EIF4G3: variants seen among roughly 807,000 people sequenced by gnomAD.
The protein encoded by EIF4G3 is eukaryotic translation initiation factor 4 gamma 3.
EIF4G3 carries 34 observed loss-of-function variants against 186.4 expected under a neutral mutation model. That is an observed-to-expected ratio of 0.18 (90% CI 0.14 to 0.24). The LOEUF is 0.24. Among genes scored for constraint, EIF4G3 ranks in the 10% least tolerant of loss-of-function variants. EIF4G3 has a pLI of 1.00. For synonymous variants in EIF4G3, 673 were observed against 679.5 expected (o/e 0.99, Z 0.15); for missense variants, 1,536 against 1,948.5 (o/e 0.79, Z 3.99).
chr1:21,169,540 C>A (rs1425967253), intron 2 of EIF4G3: 1 of 152,040 alleles, frequency 6.6e-6, no homozygotes, highest in Non-Finnish European at 1.5e-5. Flanking sequence ...CTATATTTTT[C>A]CAAATTTCTC....
intron 24 of EIF4G3, among the ~76,000 whole-genome samples, chr1:20,859,685 C>T (rs1486112018): frequency 6.6e-6 from 1 of 152,216 alleles, no homozygotes; most frequent in African/African-American, 2.4e-5. Context: ...CCGCAACCTC[C>T]ACCTCCCAGG....
intron 33 of EIF4G3, among the ~76,000 whole-genome samples, chr1:20,823,816 C>T (rs1418418923): frequency 6.6e-6 from 1 of 152,174 alleles, no homozygotes; most frequent in Non-Finnish European, 1.5e-5. Flanking sequence ...TCTAAATCTA[C>T]TACTTATTGT....
chr1:21,136,452 G>A (rs2097248735), intron 2 of EIF4G3, among the ~76,000 whole-genome samples: 1 of 151,972 alleles, frequency 6.6e-6, no homozygotes, highest in Admixed American at 6.6e-5. Flanking sequence ...GGGAGGCGGA[G>A]GTTGCAGTGA....
At chr1:20,991,842 A>G (rs2081200861) in intron 7 of EIF4G3, among the ~76,000 whole-genome samples, 1 of 152,210 alleles carries the variant, frequency 6.6e-6, no homozygotes, top group Non-Finnish European at 1.5e-5. Context: ...AAAAGGGGAA[A>G]GGCAGGTAGT....
In EIF4G3 at chr1:20,853,623, G is replaced by C; in HGVS notation, c.3488C>G (p.Pro1163Arg). Residue 1163 changes from proline to arginine, a missense_variant, in exon 27 of 37, where the codon CCA becomes CGA. Pro to Arg is a moderately radical substitution (Grantham distance 103). Coordinates refer to ENST00000602326, the MANE Select transcript of EIF4G3 (RefSeq NM_001391906.1). ...SLNRFSALQP[P>R]APSGSTPSTP... The stretch of plus-strand genomic sequence containing the variant: ...GGATGGCGTGGACCCTGAGGGTGCT[G>C]GAGGTTGCAGGGCAGAGAATCTGTT... 1 of 1,614,038 alleles carries C rather than the reference G, an allele frequency of 6.2e-7. No individual in the cohort carries two copies.
chr1:20,903,645 C>T (rs2091166749), intron 15 of EIF4G3, among the ~76,000 whole-genome samples: 1 of 152,096 alleles, frequency 6.6e-6, no homozygotes, highest in Admixed American at 6.6e-5. Context: ...GAAATCACAA[C>T]GATCAACATT....
rs997582085 is a variant in EIF4G3, at chr1:20,922,365, C to G, written c.1664-17394G>C. ...TGTTGCCCAGGCTGGAGTACAGTGG[C>G]GTGATCTCCGCCACCTCTGCCTCCC... On this transcript the variant is annotated intron_variant, in intron 14 of 36. Coordinates refer to ENST00000602326, the MANE Select transcript of EIF4G3 (RefSeq NM_001391906.1). Among the ~76,000 whole-genome samples, 62 of 152,022 alleles carry G rather than the reference C, an allele frequency of 4.1e-4. 1 individual carries two copies. The highest frequency in any genetic ancestry group is 1.3e-3 in the African/African-American group (54 of 41,368).
At chr1:20,865,457 T>C (rs1240391084) in intron 20 of EIF4G3, among the ~76,000 whole-genome samples, 195 bp from the exon 21 acceptor site, 1 of 152,028 alleles carries the variant, frequency 6.6e-6, no homozygotes, top group African/African-American at 2.4e-5. Context: ...AAGACACACA[T>C]TCCTCTCATA....
intron 14 of EIF4G3, among the ~76,000 whole-genome samples, chr1:20,923,125 C>T (rs1420434396): frequency 6.6e-6 from 1 of 152,164 alleles, no homozygotes; most frequent in African/African-American, 2.4e-5. Context: ...CTCAAGTCTG[C>T]CTTATCCTTC....
chr1:20,917,275 T>C (rs1572770904), intron 14 of EIF4G3, among the ~76,000 whole-genome samples: 1 of 152,208 alleles, frequency 6.6e-6, no homozygotes, highest in Admixed American at 6.5e-5. Flanking sequence ...GGCAGGTGGA[T>C]TGCTTAAGCC....
chr1:20,933,838 T>G (rs2095424732), intron 14 of EIF4G3, among the ~76,000 whole-genome samples: 1 of 152,200 alleles, frequency 6.6e-6, no homozygotes, highest in Non-Finnish European at 1.5e-5. Context: ...GTATTGGATG[T>G]ACTGAATTTG....
At chr1:21,129,539 T>C (rs1226917044) in intron 2 of EIF4G3, among the ~76,000 whole-genome samples, 1 of 151,930 alleles carries the variant, frequency 6.6e-6, no homozygotes, top group Non-Finnish European at 1.5e-5. Context: ...GAGAGTCCCA[T>C]CTGATGGAAC....
rs1271674698 is a variant in EIF4G3 at position 21,176,281 on chromosome 1, G to T, written c.-378C>A. The T allele has an allele frequency of 1.8e-5, 6 of 341,672 alleles. No individual in the cohort carries two copies. The highest frequency in any genetic ancestry group is 3.0e-5 in the Non-Finnish European group (6 of 197,982). 21.2% of individuals were successfully genotyped at this position (341,672 alleles called of 1,614,324 possible). On this transcript the variant is annotated 5_prime_UTR_variant, in exon 2 of 37. Transcript: ENST00000602326. ...GCCGCCGCCGCTGCTGCCGCCGCCG[G>T]GTGAGGAGGCGGTACCGCTGCTGCC...
intron 16 of EIF4G3, among the ~76,000 whole-genome samples, chr1:20,898,232 G>A (rs2089031000): frequency 6.6e-6 from 1 of 152,088 alleles, no homozygotes; most frequent in African/African-American, 2.4e-5. Context: ...GTAAGGGCTG[G>A]GCATGGGAGC....
Position 20,893,639 on chromosome 1 carries a change from GC to G in EIF4G3, c.2134-4del. ...ATTGGCAATTTGGGTTGGTTGATCT[GC>G]ATGAAAAAGCAAAAGAAAGCTTAAT... On this transcript the variant is annotated splice_polypyrimidine_tract_variant and splice_region_variant and intron_variant, in intron 17 of 36. Coordinates refer to ENST00000602326, the MANE Select transcript of EIF4G3 (RefSeq NM_001391906.1). The G allele has an allele frequency of 6.5e-7, 1 of 1,544,956 alleles. No homozygotes were observed. The highest frequency in any genetic ancestry group is 8.8e-7 in the Non-Finnish European group (1 of 1,133,378).
chr1:20,869,654 A>G (rs1388432386), intron 20 of EIF4G3, among the ~76,000 whole-genome samples: 1 of 151,792 alleles, frequency 6.6e-6, no homozygotes, highest in Non-Finnish European at 1.5e-5. Context: ...GGGCGCCTGT[A>G]GTCCCAGCTA....
At chr1:20,939,508 A>G (rs1206277123) in intron 14 of EIF4G3, among the ~76,000 whole-genome samples, 2 of 152,206 alleles carry the variant, frequency 1.3e-5, no homozygotes, top group Non-Finnish European at 2.9e-5. Flanking sequence ...CTGTCTTGCA[A>G]TATCAGGTCA....
intron 3 of EIF4G3, among the ~76,000 whole-genome samples, chr1:21,052,565 C>CTCTCCCTCTCCCTCTCCCCACGG (rs1348241682): frequency 2.6e-5 from 4 of 151,944 alleles, no homozygotes; most frequent in African/African-American, 4.8e-5. Flanking sequence ...CCTCCTCTCC[C>CTCTCCCTCTCCCTCTCCCCACGG]TCTCCCTCTC....
At chr1:20,976,749 T>C (rs1345456300) in intron 10 of EIF4G3, among the ~76,000 whole-genome samples, 4 of 152,104 alleles carry the variant, frequency 2.6e-5, no homozygotes, top group Admixed American at 6.5e-5. Flanking sequence ...GAAACAATAA[T>C]AAACATGGCC....
Sources: gnomAD v4.1 joint callset for allele counts (sites outside exome capture counted in the v4.1 genomes callset) on GRCh38, gnomAD v4.1.1 for gene constraint, MANE v1.5 for transcripts, NCBI Gene and HGNC (gene_info 2026-07-23, HGNC 2026-07-21) for gene names.